SIX4: variants seen among roughly 807,000 people sequenced by gnomAD.
SIX4 encodes SIX homeobox 4, also known as homeobox protein SIX4.
Under a neutral mutation model 51.5 loss-of-function variants are expected in SIX4, and 23 were observed. The ratio of observed to expected loss-of-function variants is 0.45; its 90% confidence interval spans 0.32 to 0.63. SIX4 has a LOEUF of 0.63. Ranked by LOEUF, SIX4 falls within the 30% of genes least tolerant of loss-of-function variation. SIX4 has a pLI of 0.04. For synonymous variants in SIX4, 413 were observed against 417.3 expected (o/e 0.99, Z 0.13); for missense variants, 867 against 984.0 (o/e 0.88, Z 1.59).
At position 60,724,318 on chromosome 14, in the gene SIX4, A is replaced by T; in HGVS notation, c.-244T>A. On this transcript the variant is annotated 5_prime_UTR_variant, in exon 1 of 3. It adds an upstream start codon to the 5' untranslated region. Coordinates refer to ENST00000216513, the MANE Select transcript of SIX4 (RefSeq NM_017420.5). ...ATAGCTGCTTTCTGCCGTTCCCCCA[A>T]CGTGACTCCTCCGGTTGCTGCATAC... 6.9e-7 allele frequency: 1 copy of T among 1,450,608 alleles called. No individual in the cohort carries two copies. 89.9% of individuals were successfully genotyped at this position (1,450,608 alleles called of 1,614,324 possible). A position where few individuals can be genotyped will look rare whatever the true frequency, so the allele number is the denominator to read the frequency against.
intron 2 of SIX4, among the ~76,000 whole-genome samples, chr14:60,716,948 A>G (rs937772381): frequency 2.0e-4 from 30 of 152,232 alleles, no homozygotes; most frequent in South Asian, 1.0e-3. Flanking sequence ...TAAGAAAAAC[A>G]TTTCTAAGTA....
rs765825470 is a variant in SIX4 at position 60,719,570 on chromosome 14, G to T, written c.1549+190C>A. Among the ~76,000 whole-genome samples the T allele has an allele frequency of 6.6e-6, 1 of 152,168 alleles. No individual in the cohort carries two copies. Among genetic ancestry groups the T allele is most frequent in the Non-Finnish European group, 1.5e-5 (1 of 68,040 alleles). ...AAAAGCCCATCCTCATGATGCAAGGGAATAAAGCAACCTGGATATGACATG... is the reference window on the plus strand; with the variant it reads ...AAAAGCCCATCCTCATGATGCAAGGTAATAAAGCAACCTGGATATGACATG... On this transcript the variant is annotated intron_variant, in intron 2 of 2. Coordinates refer to ENST00000216513, the MANE Select transcript of SIX4 (RefSeq NM_017420.5). This position sits in a 1 kb window ranked among gnomAD's most constrained non-coding sequence, Gnocchi z 4.9.
chr14:60,713,225 A>G lies in SIX4; in HGVS notation c.*182T>C, dbSNP rs1469139653. 1.8e-6 allele frequency: 1 copy of G among 550,530 alleles called. No homozygotes were observed. The highest frequency in any genetic ancestry group is 3.1e-6 in the Non-Finnish European group (1 of 327,402). 34.1% of individuals were successfully genotyped at this position (550,530 alleles called of 1,614,324 possible). A position where few individuals can be genotyped will look rare whatever the true frequency, so the allele number is the denominator to read the frequency against. ...TATAAGTGAACAAAAAGGCTGCAATAATGCAGTTCTACTCCTGTATACTTA... is the reference window on the plus strand; with the variant it reads ...TATAAGTGAACAAAAAGGCTGCAATGATGCAGTTCTACTCCTGTATACTTA... On this transcript the variant is annotated 3_prime_UTR_variant, in exon 3 of 3. Coordinates refer to ENST00000216513, the MANE Select transcript of SIX4 (RefSeq NM_017420.5).
In SIX4 at chr14:60,722,075, G is replaced by C. The variant is rs1444539493; in HGVS notation, c.863+1137C>G. Reference sequence around the variant, plus strand: ...GTGATCACCTTCACCTGGCGCAGGCGGGCTGGATCCCCGGCTCCCAGTTTG... The same window carrying C: ...GTGATCACCTTCACCTGGCGCAGGCCGGCTGGATCCCCGGCTCCCAGTTTG... On this transcript the variant is annotated intron_variant, in intron 1 of 2. Coordinates refer to ENST00000216513, the MANE Select transcript of SIX4 (RefSeq NM_017420.5). The surrounding 1 kb of genome is among the most constrained non-coding windows in gnomAD (Gnocchi z 5.9). Among the ~76,000 whole-genome samples, 1 of 152,130 alleles carries C rather than the reference G, an allele frequency of 6.6e-6. No individual in the cohort carries two copies. Among genetic ancestry groups the C allele is most frequent in the Non-Finnish European group, 1.5e-5 (1 of 68,002 alleles).
rs1895863034 is a variant in SIX4 at position 60,713,629 on chromosome 14, G to A, written c.2124C>T (p.Val708=). 2.5e-6 allele frequency: 4 copies of A among 1,614,194 alleles called. No homozygotes were observed. The highest frequency in any genetic ancestry group is 3.4e-6 in the Non-Finnish European group (4 of 1,180,044). The change falls in exon 3 of 3, where the codon GTC becomes GTT. Residue 708 remains valine (V), a synonymous_variant. Transcript: ENST00000216513. The part of the protein sequence containing the change: ...HPSPAVHQDF[V]QEHRLVLQSV... ...ATTGCAGAACCAAACGATGTTCTTG[G>A]ACAAAATCCTGATGTACTGCTGGGG...
rs1358863800 is a variant in SIX4 at position 60,723,327 on chromosome 14, G to T, written c.748C>A (p.Pro250Thr). The T allele has an allele frequency of 3.1e-6, 5 of 1,612,722 alleles. No homozygotes were observed. In the East Asian group the frequency reaches 8.9e-5, roughly 29 times the overall value. The change falls in exon 1 of 3, where the codon CCC (proline) becomes ACC (threonine). Residue 250 changes from proline (P) to threonine (T), a missense_variant. Pro to Thr is a conservative substitution (Grantham distance 38, BLOSUM62 -1). Coordinates refer to ENST00000216513, the MANE Select transcript of SIX4 (RefSeq NM_017420.5). ...TTGGCCAGGTGCCGCTTCTCGGCGG[G>T]CGAAGGGTAGCGATTCTGCTTGTAG... Reference protein sequence around the residue: ...ELYKQNRYPSPAEKRHLAKIT... With the variant: ...ELYKQNRYPSTAEKRHLAKIT...
chr14:60,714,305 AAC>A, intron 2 of SIX4, 102 bp from the exon 3 acceptor site: 1 of 1,008,252 alleles, frequency 9.9e-7, no homozygotes, highest in Non-Finnish European at 1.4e-6. Context: ...ATAAAGAAGC[AAC>A]ACTTCCATAC....
rs1895793388 is a variant in SIX4 at position 60,709,893 on chromosome 14, A to G, written c.*3514T>C. The G allele has an allele frequency of 6.6e-6, 1 of 152,668 alleles. No individual in the cohort carries two copies. The highest frequency in any genetic ancestry group is 6.5e-5 in the Admixed American group (1 of 15,290). The allele number at this position is 152,668 out of a possible 1,614,324, so 9.5% of individuals were successfully genotyped here. Reference sequence around the variant, plus strand: ...TATTTTTGAGAACTCTGAAAGCCAAAAGAGTCACATGCTATACAATTTTGA... The same window carrying G: ...TATTTTTGAGAACTCTGAAAGCCAAGAGAGTCACATGCTATACAATTTTGA... On this transcript the variant is annotated 3_prime_UTR_variant, in exon 3 of 3. Transcript: ENST00000216513. The surrounding 1 kb of genome is among the most constrained non-coding windows in gnomAD (Gnocchi z 4.1).
In SIX4 at chr14:60,724,342, A is replaced by T. The variant is rs1217611176; in HGVS notation, c.-268T>A. On this transcript the variant is annotated 5_prime_UTR_variant, in exon 1 of 3. Coordinates refer to ENST00000216513, the MANE Select transcript of SIX4 (RefSeq NM_017420.5). ...AACGTGACTCCTCCGGTTGCTGCAT[A>T]CTATATGGCAGTGGCGGCCGGGCCG... 1.4e-6 allele frequency: 2 copies of T among 1,443,156 alleles called. No individual in the cohort carries two copies. Among genetic ancestry groups the T allele is most frequent in the East Asian group, 3.0e-5 (1 of 33,524 alleles). 89.4% of individuals were successfully genotyped at this position (1,443,156 alleles called of 1,614,324 possible).
At position 60,710,107 on chromosome 14, in the gene SIX4, A is replaced by G. The variant is rs1895795843; in HGVS notation, c.*3300T>C. 6.5e-6 allele frequency: 1 copy of G among 152,762 alleles called. No homozygotes were observed. Among genetic ancestry groups the G allele is most frequent in the South Asian group, 2.1e-4 (1 of 4,824 alleles). The allele number at this position is 152,762 out of a possible 1,614,324, so 9.5% of individuals were successfully genotyped here. On this transcript the variant is annotated 3_prime_UTR_variant, in exon 3 of 3. Transcript: ENST00000216513. ...TGTCAAAACATTTTAAAGAATGAAG[A>G]ACTTGTGGCTATGTACTAAAGCACA...
rs749668778 is a variant in SIX4 at position 60,720,451 on chromosome 14, T to C, written c.864-6A>G. 1.2e-5 allele frequency: 20 copies of C among 1,605,544 alleles called. No homozygotes were observed. The highest frequency in any genetic ancestry group is 8.9e-5 in the South Asian group (8 of 89,490). On this transcript the variant is annotated splice_region_variant and splice_polypyrimidine_tract_variant and intron_variant, in intron 1 of 2. Transcript: ENST00000216513. The surrounding 1 kb of genome is among the most constrained non-coding windows in gnomAD (Gnocchi z 5.5). ...TGGGGTTGCCATCTGACTCACTGTA[T>C]GGAGGGGGAAATCAAAATGTTCAGA... is the stretch of plus-strand genomic sequence containing the variant.
At position 60,723,937 on chromosome 14, in the gene SIX4, C is replaced by CG. The variant is rs776137605; in HGVS notation, c.137dup (p.Ala47GlyfsTer243). On this transcript the variant is annotated frameshift_variant, in exon 1 of 3. Transcript: ENST00000216513. LOFTEE classifies it high-confidence loss of function. ...GCTCCAGGGGAAAAGGGGCTGGAGC[C>CG]GGGGGGCTCAGCCCTACCGCCGCGC... is the stretch of plus-strand genomic sequence containing the variant. 2 of 1,509,380 alleles carry CG rather than the reference C, an allele frequency of 1.3e-6. No homozygotes were observed. The allele number at this position is 1,509,380 out of a possible 1,614,324, so 93.5% of individuals were successfully genotyped here. A position where few individuals can be genotyped will look rare whatever the true frequency, so the allele number is the denominator to read the frequency against.
chr14:60,723,381 C>T lies in SIX4; in HGVS notation c.694G>A (p.Glu232Lys), dbSNP rs755430527. The part of the protein sequence containing the change: ...DGEETVYCFK[E>K]KSRNALKELY... ...TCCTTGAGCGCGTTGCGCGACTTCT[C>T]CTTGAAACAATACACCGTCTCCTCG... Residue 232 changes from glutamate (E) to lysine (K), a missense_variant, in exon 1 of 3, where the codon GAG becomes AAG. By Grantham distance (56) the Glu-to-Lys change is moderately conservative. Coordinates refer to ENST00000216513, the MANE Select transcript of SIX4 (RefSeq NM_017420.5). The T allele has an allele frequency of 6.2e-7, 1 of 1,612,100 alleles. No homozygotes were observed. Among genetic ancestry groups the T allele is most frequent in the African/African-American group, 1.3e-5 (1 of 74,990 alleles).
rs1182844344 is a variant in SIX4 at position 60,710,177 on chromosome 14, A to C, written c.*3230T>G. On this transcript the variant is annotated 3_prime_UTR_variant, in exon 3 of 3. Transcript: ENST00000216513. ...GGCAGGCTGCCACACATGCCCAATA[A>C]TCCAACTTTTAACATGCAAGATACA... is the stretch of plus-strand genomic sequence containing the variant. The C allele has an allele frequency of 6.6e-6, 1 of 152,606 alleles. No homozygotes were observed. The highest frequency in any genetic ancestry group is 1.5e-5 in the Non-Finnish European group (1 of 68,034). 9.5% of individuals were successfully genotyped at this position (152,606 alleles called of 1,614,324 possible).
intron 2 of SIX4, among the ~76,000 whole-genome samples, chr14:60,718,770 A>C (rs1895965514): frequency 1.3e-5 from 2 of 152,234 alleles, no homozygotes; most frequent in South Asian, 4.1e-4. Context: ...CAATAAGCTG[A>C]CATAGACCAT....
rs924193740 is a variant in SIX4, at chr14:60,719,289, A to T, written c.1549+471T>A. The stretch of plus-strand genomic sequence containing the variant: ...TTATAGGAGGAAACAGGATTCAAAC[A>T]TAATTGATCCGGTCTTTTTAGCTTG... On this transcript the variant is annotated intron_variant, in intron 2 of 2. Transcript: ENST00000216513. This position sits in a 1 kb window ranked among gnomAD's most constrained non-coding sequence, Gnocchi z 4.9. 2.6e-5 allele frequency among the ~76,000 whole-genome samples: 4 copies of T among 152,254 alleles called. No homozygotes were observed. Among genetic ancestry groups the T allele is most frequent in the African/African-American group, 9.6e-5 (4 of 41,468 alleles).
chr14:60,724,063 G>A lies in SIX4; in HGVS notation c.12C>T (p.Ser4=). 1 of 1,545,916 alleles carries A rather than the reference G, an allele frequency of 6.5e-7. No individual in the cohort carries two copies. The highest frequency in any genetic ancestry group is 8.7e-7 in the Non-Finnish European group (1 of 1,144,404). ...CACTTGCGATCTGCCCGGTGGGGGA[G>A]GAAGAGGACATTTTTTGTTGTTTAT... MSS[S]SPTGQIASAA... is the part of the protein sequence containing the mutation. Residue 4 remains serine, a synonymous_variant, in exon 1 of 3, where the codon TCC becomes TCT. Transcript: ENST00000216513.
At chr14:60,716,858 C>G (rs928220450) in intron 2 of SIX4, among the ~76,000 whole-genome samples, 1 of 152,168 alleles carries the variant, frequency 6.6e-6, no homozygotes, top group African/African-American at 2.4e-5. Flanking sequence ...AAAGGAATGT[C>G]TTCAAGTAAA....
chr14:60,721,282 G>GGT, intron 1 of SIX4: 2 of 331,644 alleles, frequency 6.0e-6, no homozygotes, highest in Non-Finnish European at 8.6e-6. Context: ...CCAAATCGGG[G>GGT]TTGGGGGGTG....
Sources: gnomAD v4.1 joint callset for allele counts (sites outside exome capture counted in the v4.1 genomes callset) on GRCh38, gnomAD v4.1.1 for gene constraint, Gnocchi (gnomAD v3.1) non-coding constraint, MANE v1.5 for transcripts, NCBI Gene and HGNC (gene_info 2026-07-23, HGNC 2026-07-21) for gene names.